The following TCF12 variants were observed in gnomAD, a reference collection of about 807,000 sequenced individuals.
TCF12 encodes the protein transcription factor 12, also known as DNA-binding protein HTF4.
In TCF12, 45 loss-of-function variants were observed where a neutral mutation model predicts 86.0. The observed-to-expected ratio is 0.52, with a 90% CI of 0.41 to 0.67. TCF12 has a LOEUF of 0.67. TCF12 is among the 30% of genes least tolerant of loss of function. The pLI is 0.00. For synonymous variants in TCF12, 330 were observed against 299.6 expected (o/e 1.10, Z -1.05); for missense variants, 881 against 859.9 (o/e 1.02, Z -0.31).
intron 5 of TCF12, among the ~76,000 whole-genome samples, chr15:57,159,176 C>T (rs1011336047): frequency 2.0e-5 from 3 of 152,074 alleles, no homozygotes; most frequent in African/African-American, 7.2e-5. Flanking sequence ...GTTGATTTTC[C>T]TAAAAGAGTG....
At chr15:57,220,154 T>C (rs1233541488) in intron 8 of TCF12, among the ~76,000 whole-genome samples, 2 of 152,202 alleles carry the variant, frequency 1.3e-5, no homozygotes, top group Admixed American at 1.3e-4. Flanking sequence ...TGAGTTGTTA[T>C]TAGCCTGATA....
chr15:57,082,125 G>A (rs150946849), intron 4 of TCF12, among the ~76,000 whole-genome samples: 58 of 152,258 alleles, frequency 3.8e-4, no homozygotes, highest in African/African-American at 1.4e-3. Flanking sequence ...GCAGGAAGAG[G>A]GAGTGTAAAT....
chr15:57,160,339 C>G (rs185855219), intron 5 of TCF12, among the ~76,000 whole-genome samples: 87 of 152,228 alleles, frequency 5.7e-4, no homozygotes, highest in Admixed American at 5.0e-3. Context: ...GGAAAAGTCC[C>G]TTATAAAACC....
intron 5 of TCF12, among the ~76,000 whole-genome samples, chr15:57,165,236 G>A (rs543812148): frequency 3.3e-5 from 5 of 151,656 alleles, no homozygotes; most frequent in East Asian, 1.9e-4. Context: ...CTATCTTTCC[G>A]TAGGGAAATA....
chr15:57,197,419 A>C (rs1158254718), intron 7 of TCF12, among the ~76,000 whole-genome samples: 1 of 149,056 alleles, frequency 6.7e-6, no homozygotes, highest in Non-Finnish European at 1.5e-5. Context: ...TGGCTTCCCA[A>C]AGTGCTGGGA....
intron 3 of TCF12, among the ~76,000 whole-genome samples, chr15:57,017,109 G>A (rs1190368212): frequency 6.6e-6 from 1 of 152,132 alleles, no homozygotes; most frequent in Admixed American, 6.6e-5. Context: ...TTGAAAGGGT[G>A]GCAGGCTACC....
At chr15:57,106,772 C>T (rs2050159769) in intron 5 of TCF12, among the ~76,000 whole-genome samples, 1 of 152,190 alleles carries the variant, frequency 6.6e-6, no homozygotes, top group Non-Finnish European at 1.5e-5. Context: ...CCTGAACAGA[C>T]ACCTCACCCA....
intron 20 of TCF12, among the ~76,000 whole-genome samples, chr15:57,283,957 A>G (rs550151427): frequency 1.2e-4 from 18 of 152,308 alleles, no homozygotes; most frequent in African/African-American, 4.3e-4. Flanking sequence ...TAAGTCAGTT[A>G]TAACTGTAAC....
chr15:56,995,080 A>G lies in TCF12; in HGVS notation c.149-68670A>G, dbSNP rs745869885. On this transcript the variant is annotated intron_variant, in intron 3 of 20. Transcript: ENST00000333725. Reference sequence around the variant, plus strand: ...TTCCAAATAGACCCTGAAAAGTTAAATATGTATGTTATAATCCCTAGAGCC... The same window carrying G: ...TTCCAAATAGACCCTGAAAAGTTAAGTATGTATGTTATAATCCCTAGAGCC... Among the ~76,000 whole-genome samples the G allele has an allele frequency of 5.3e-5, 8 of 152,002 alleles. No homozygotes were observed. The South Asian group carries it at 6.2e-4, about 12-fold the overall frequency.
intron 3 of TCF12, among the ~76,000 whole-genome samples, chr15:56,972,535 ACTTG>A (rs2062390701): frequency 6.6e-6 from 1 of 152,182 alleles, no homozygotes; most frequent in Non-Finnish European, 1.5e-5. Flanking sequence ...TCTATACCAC[ACTTG>A]CTTAGGTAGT....
At chr15:57,009,350 G>A (rs928691934) in intron 3 of TCF12, among the ~76,000 whole-genome samples, 2 of 152,012 alleles carry the variant, frequency 1.3e-5, no homozygotes, top group African/African-American at 2.4e-5. Flanking sequence ...GGCTCAAGCA[G>A]TCTGTCCTCC....
At chr15:57,276,152 G>C (rs1166745312) in intron 19 of TCF12, among the ~76,000 whole-genome samples, 1 of 152,198 alleles carries the variant, frequency 6.6e-6, no homozygotes, top group Admixed American at 6.5e-5. Flanking sequence ...TTAGTGATGA[G>C]AGAACTATTA....
At chr15:57,257,249 C>A (rs971146965) in intron 16 of TCF12, among the ~76,000 whole-genome samples, 6 of 152,072 alleles carry the variant, frequency 3.9e-5, no homozygotes, top group Admixed American at 1.3e-4. Context: ...TTTCTTGGAG[C>A]CTATAACGTT....
At chr15:57,047,094 C>T (rs2067281710) in intron 3 of TCF12, among the ~76,000 whole-genome samples, 2 of 152,304 alleles carry the variant, frequency 1.3e-5, no homozygotes, top group South Asian at 4.2e-4. Flanking sequence ...CTAAAGGACA[C>T]AGAGCAAACT....
At chr15:57,243,020 G>T (rs1415128660) in intron 12 of TCF12, among the ~76,000 whole-genome samples, 1 of 152,130 alleles carries the variant, frequency 6.6e-6, no homozygotes, top group Non-Finnish European at 1.5e-5. Context: ...GAGATAAGGG[G>T]TAACTATTAA....
intron 16 of TCF12, among the ~76,000 whole-genome samples, chr15:57,259,469 T>G (rs2060488435): frequency 6.6e-6 from 1 of 152,264 alleles, no homozygotes; most frequent in Non-Finnish European, 1.5e-5. Context: ...ATTCATCAAC[T>G]AATTAGATTT....
chr15:57,222,424 G>A (rs1315327692), intron 8 of TCF12, among the ~76,000 whole-genome samples: 3 of 151,896 alleles, frequency 2.0e-5, no homozygotes, highest in African/African-American at 7.2e-5. Context: ...AGCCAAAAAT[G>A]TTAATGCAGT....
intron 7 of TCF12, among the ~76,000 whole-genome samples, chr15:57,193,025 A>G (rs1366018760): frequency 1.3e-5 from 2 of 152,172 alleles, no homozygotes; most frequent in Non-Finnish European, 2.9e-5. Context: ...TAATAACTTA[A>G]TTCTTTACTA....
intron 5 of TCF12, among the ~76,000 whole-genome samples, chr15:57,092,293 A>G (rs544410093): frequency 6.6e-6 from 1 of 152,304 alleles, no homozygotes; most frequent in East Asian, 1.9e-4. Flanking sequence ...CTTTACTTGC[A>G]TTGGACAATA....
Sources: allele counts gnomAD v4.1 joint callset (sites outside exome capture counted in the v4.1 genomes callset), GRCh38; gene constraint gnomAD v4.1.1; transcripts MANE v1.5; gene names NCBI Gene and HGNC (gene_info 2026-07-23, HGNC 2026-07-21).